Variants in CLPX observed in about 807,000 individuals in gnomAD.
CLPX encodes the protein caseinolytic mitochondrial matrix peptidase chaperone subunit X.
A neutral mutation model predicts 76.4 loss-of-function variants in CLPX; 34 were observed. That is an observed-to-expected ratio of 0.45 (90% CI 0.34 to 0.59). The LOEUF (loss-of-function observed/expected upper bound fraction) is 0.59. Ranked by LOEUF, CLPX falls within the 20% of genes least tolerant of loss-of-function variation. The pLI is 0.01. For synonymous variants in CLPX, 248 were observed against 270.9 expected, an observed-to-expected ratio of 0.92 and a Z score of 0.83; for missense variants, 613 against 757.0, an observed-to-expected ratio of 0.81 and a Z score of 2.23.
chr15:65,155,505 C>A (rs543636678), intron 10 of CLPX, among the ~76,000 whole-genome samples, 187 bp downstream of exon 10: 1 of 152,280 alleles, frequency 6.6e-6, no homozygotes, highest in Admixed American at 6.5e-5. Flanking sequence ...ACCTTGGCCT[C>A]CCAAAGAACT....
chr15:65,154,779 A>C lies in CLPX; in HGVS notation c.1611+3T>G, dbSNP rs1216023350. 1 of 1,586,592 alleles carries C rather than the reference A, an allele frequency of 6.3e-7. No homozygotes were observed. Among genetic ancestry groups the C allele is most frequent in the Non-Finnish European group, 8.6e-7 (1 of 1,160,828 alleles). On this transcript the variant is annotated splice_donor_region_variant and intron_variant, in intron 11 of 13. Coordinates refer to ENST00000300107, the MANE Select transcript of CLPX (RefSeq NM_006660.5). ...AACTAAGTACAAAAAATAAAAATCTAACCTTATCCATGCTGAATAAGGCCT... is the reference window on the plus strand; with the variant it reads ...AACTAAGTACAAAAAATAAAAATCTCACCTTATCCATGCTGAATAAGGCCT...
At chr15:65,176,160 A>T (rs1182468161) in intron 3 of CLPX, among the ~76,000 whole-genome samples, 1 of 152,248 alleles carries the variant, frequency 6.6e-6, no homozygotes, top group Non-Finnish European at 1.5e-5. Flanking sequence ...CTAACTAATA[A>T]TATACATATA....
Position 65,153,566 on chromosome 15 carries a change from C to T in CLPX, c.1685G>A (p.Arg562Gln). ...ACTCACCATTATGGACCGAAGGCCTCGTGCACCTGTTTTTCGTTCTAGTGC... is the reference window on the plus strand; with the variant it reads ...ACTCACCATTATGGACCGAAGGCCTTGTGCACCTGTTTTTCGTTCTAGTGC... Reference protein sequence around the residue: ...RLALERKTGARGLRSIMEKLL... With the variant: ...RLALERKTGAQGLRSIMEKLL... Residue 562 changes from arginine (R) to glutamine (Q), a missense_variant, in exon 12 of 14, where the codon CGA (arginine) becomes CAA (glutamine). By Grantham distance (43) the Arg-to-Gln change is conservative. Coordinates refer to ENST00000300107, the MANE Select transcript of CLPX (RefSeq NM_006660.5). 6.3e-7 allele frequency: 1 copy of T among 1,597,834 alleles called. No homozygotes were observed. The highest frequency in any genetic ancestry group is 8.5e-7 in the Non-Finnish European group (1 of 1,172,176).
intron 3 of CLPX, among the ~76,000 whole-genome samples, chr15:65,167,823 G>C (rs775383430): frequency 2.6e-5 from 4 of 151,898 alleles, no homozygotes; most frequent in Non-Finnish European, 2.9e-5. Context: ...AGGAGGTGGA[G>C]GTTGCAGTGA....
At chr15:65,160,027 G>A (rs2087833711) in intron 6 of CLPX, among the ~76,000 whole-genome samples, 1 of 152,034 alleles carries the variant, frequency 6.6e-6, no homozygotes, top group African/African-American at 2.4e-5. Flanking sequence ...TGCCCAGGCT[G>A]GTCTTGAACT....
chr15:65,154,700 T>C, intron 11 of CLPX, 82 bp downstream of exon 11: 1 of 1,100,662 alleles, frequency 9.1e-7, no homozygotes, highest in Non-Finnish European at 1.3e-6. Flanking sequence ...GCAGAATTTG[T>C]TTTTGTTGTT....
At position 65,152,432 on chromosome 15, in the gene CLPX, G is replaced by T; in HGVS notation, c.1809C>A (p.Ile603=). Residue 603 remains isoleucine (I), a splice_region_variant and synonymous_variant, in exon 13 of 14, where the codon ATC becomes ATA. Coordinates refer to ENST00000300107, the MANE Select transcript of CLPX (RefSeq NM_006660.5). ...TCTGGCTTGAAAATACACTTTACCG[G>T]ATGTATCCTGGTTCCTTTTTTCCTT... is the stretch of plus-strand genomic sequence containing the variant. ...VVEGKKEPGY[I]RAPTKESSEE... 6.7e-7 allele frequency: 1 copy of T among 1,488,006 alleles called. No homozygotes were observed. The highest frequency in any genetic ancestry group is 9.1e-7 in the Non-Finnish European group (1 of 1,103,142). The allele number at this position is 1,488,006 out of a possible 1,614,324, so 92.2% of individuals were successfully genotyped here. A position where few individuals can be genotyped will look rare whatever the true frequency, so the allele number is the denominator to read the frequency against.
chr15:65,159,523 T>C lies in CLPX; in HGVS notation c.716-772A>G, dbSNP rs556044974. Among the ~76,000 whole-genome samples, 11 of 152,088 alleles carry C rather than the reference T, an allele frequency of 7.2e-5. No homozygotes were observed. The East Asian group carries it at 9.7e-4, about 13-fold the overall frequency. On this transcript the variant is annotated intron_variant, in intron 6 of 13. Coordinates refer to ENST00000300107, the MANE Select transcript of CLPX (RefSeq NM_006660.5). ...TACTTGGGAGGCCGAGGCAGGAGAA[T>C]TGCTTGAACCCGGGAGGCGGGGGTT... is the stretch of plus-strand genomic sequence containing the variant.
At chr15:65,179,969 G>A (rs890731529) in intron 2 of CLPX, 75 bp downstream of exon 2, 18 of 1,009,776 alleles carry the variant, frequency 1.8e-5, no homozygotes, top group Non-Finnish European at 2.2e-5. Flanking sequence ...AAGCCAGTAA[G>A]AGACAGTACT....
In CLPX at chr15:65,167,388, A is replaced by G. The variant is rs531509771; in HGVS notation, c.359-603T>C. On this transcript the variant is annotated intron_variant, in intron 3 of 13. Coordinates refer to ENST00000300107, the MANE Select transcript of CLPX (RefSeq NM_006660.5). ...CCCGGCCCACTAAAAAAGATTTAAA[A>G]CCTCTTTGAGAATATGGAGTAATCA... Among the ~76,000 whole-genome samples, 5 of 152,184 alleles carry G rather than the reference A, an allele frequency of 3.3e-5. No individual in the cohort carries two copies. The East Asian group carries it at 9.6e-4, about 29-fold the overall frequency.
At chr15:65,182,958 T>A (rs1287370996) in intron 1 of CLPX, among the ~76,000 whole-genome samples, 1 of 137,122 alleles carries the variant, frequency 7.3e-6, no homozygotes, top group Non-Finnish European at 1.5e-5. Flanking sequence ...GGTCCAGGAG[T>A]TGGAGTCCAG....
intron 13 of CLPX, among the ~76,000 whole-genome samples, chr15:65,151,517 CCT>C (rs1478515655): frequency 1.9e-4 from 27 of 143,200 alleles, no homozygotes; most frequent in Admixed American, 1.7e-3. Flanking sequence ...CTTAAAAAAT[CCT>C]CTTCTCCAAG....
intron 6 of CLPX, among the ~76,000 whole-genome samples, chr15:65,160,617 T>TCACACA (rs1219393417): frequency 7.5e-6 from 1 of 133,778 alleles, no homozygotes; most frequent in African/African-American, 3.1e-5. Context: ...TCTCTCTCTC[T>TCACACA]CTCTCTCACA....
intron 3 of CLPX, among the ~76,000 whole-genome samples, chr15:65,172,647 G>T (rs1265817808): frequency 1.3e-5 from 2 of 152,112 alleles, no homozygotes; most frequent in Non-Finnish European, 2.9e-5. Context: ...GAAAGAAAAA[G>T]AAAGACAAAG....
At chr15:65,156,977 C>T (rs778511125) in intron 8 of CLPX, 45 bp from the exon 9 acceptor site, 1 of 1,275,552 alleles carries the variant, frequency 7.8e-7, no homozygotes, top group Admixed American at 1.9e-5. Flanking sequence ...AAAAGATATA[C>T]ACAAGATAGC....
At chr15:65,167,072 A>AT (rs57108608) in intron 3 of CLPX, among the ~76,000 whole-genome samples, 31 of 149,258 alleles carry the variant, frequency 2.1e-4, no homozygotes, top group East Asian at 3.9e-4. Flanking sequence ...ACTAAAAAAG[A>AT]TTTTTTTTTT....
At chr15:65,154,505 C>A (rs575966673) in intron 11 of CLPX, among the ~76,000 whole-genome samples, 1 of 152,272 alleles carries the variant, frequency 6.6e-6, no homozygotes, top group East Asian at 1.9e-4. Flanking sequence ...AAAGGACAAT[C>A]CTGTATGTCT....
rs187650419 is a variant in CLPX at position 65,181,002 on chromosome 15, C to T, written c.80-798G>A. On this transcript the variant is annotated intron_variant, in intron 1 of 13. Transcript: ENST00000300107. The stretch of plus-strand genomic sequence containing the variant: ...TGCCTGTAATCCCAGGGTTCGAGAC[C>T]AGCCTGGCCAACGTGGTGAAACCCT... 3.1e-3 allele frequency among the ~76,000 whole-genome samples: 465 copies of T among 151,668 alleles called. 2 individuals carry two copies. The highest frequency in any genetic ancestry group is 0.011 in the African/African-American group (452 of 41,324).
chr15:65,178,864 A>AC, intron 3 of CLPX, 70 bp downstream of exon 3: 1 of 850,116 alleles, frequency 1.2e-6, no homozygotes, highest in African/African-American at 1.7e-5. Flanking sequence ...CATAATTTAC[A>AC]TATTTTTATA....
Sources: allele counts gnomAD v4.1 joint callset (sites outside exome capture counted in the v4.1 genomes callset), GRCh38; gene constraint gnomAD v4.1.1; transcripts MANE v1.5; gene names NCBI Gene and HGNC (gene_info 2026-07-23, HGNC 2026-07-21).